Variants in RBPJ observed in about 807,000 individuals in gnomAD.
RBPJ encodes recombining binding protein suppressor of hairless.
Under a neutral mutation model 67.8 loss-of-function variants are expected in RBPJ, and 9 were observed. The observed-to-expected ratio is 0.13, with a 90% confidence interval of 0.08 to 0.23. The LOEUF is 0.23. Among genes scored for constraint, RBPJ ranks in the 10% least tolerant of loss-of-function variants. The pLI is 1.00. For synonymous variants in RBPJ, 198 were observed against 203.3 expected, an observed-to-expected ratio of 0.97 and a Z score of 0.22; for missense variants, 305 against 595.6, an observed-to-expected ratio of 0.51 and a Z score of 5.08.
chr4:26,351,569 G>C (rs1367044763), intron 1 of RBPJ, among the ~76,000 whole-genome samples: 2 of 152,064 alleles, frequency 1.3e-5, no homozygotes, highest in Non-Finnish European at 2.9e-5. Context: ...TTTGTAGAGA[G>C]AGGGTCTCAC....
At chr4:26,140,237 G>A in the RBPJ span, among the ~76,000 whole-genome samples, 1 of 152,188 alleles carries the variant, frequency 6.6e-6, no homozygotes, top group South Asian at 2.1e-4. Flanking sequence ...GAGGACACAG[G>A]GGCCTCCTTA....
intron 1 of RBPJ, among the ~76,000 whole-genome samples, chr4:26,298,449 T>G (rs1396116946): frequency 2.6e-5 from 4 of 152,200 alleles, no homozygotes; most frequent in African/African-American, 9.7e-5. Flanking sequence ...TGTGTTTTTT[T>G]GAAGAGGAGA....
chr4:26,423,165 A>G (rs1428813799), intron 5 of RBPJ, among the ~76,000 whole-genome samples: 1 of 152,194 alleles, frequency 6.6e-6, no homozygotes, highest in African/African-American at 2.4e-5. Flanking sequence ...ATTCAGTACT[A>G]TTGCAATAGG....
intron 1 of RBPJ, among the ~76,000 whole-genome samples, chr4:26,169,667 G>A (rs887802567): frequency 6.6e-5 from 10 of 152,240 alleles, no homozygotes; most frequent in African/African-American, 2.4e-4. Flanking sequence ...TCTGTGCCCT[G>A]CCCCCAGAGG....
intron 1 of RBPJ, among the ~76,000 whole-genome samples, chr4:26,356,682 T>C (rs1727414630): frequency 6.6e-6 from 1 of 152,228 alleles, no homozygotes; most frequent in Non-Finnish European, 1.5e-5. Context: ...ATCCATAATA[T>C]AGTTGTAACA....
At chr4:26,419,731 T>G (rs1347578625) in intron 4 of RBPJ, among the ~76,000 whole-genome samples, 2 of 152,184 alleles carry the variant, frequency 1.3e-5, no homozygotes, top group Non-Finnish European at 2.9e-5. Context: ...TTCACAGGGA[T>G]CAAGAGAATA....
intron 1 of RBPJ, among the ~76,000 whole-genome samples, chr4:26,345,887 T>C (rs772233641): frequency 6.6e-6 from 1 of 152,208 alleles, no homozygotes; most frequent in Non-Finnish European, 1.5e-5. Context: ...GAGAATACAG[T>C]GATGCTGGGG....
chr4:26,283,686 G>A (rs1457475589), intron 1 of RBPJ, among the ~76,000 whole-genome samples: 3 of 141,414 alleles, frequency 2.1e-5, no homozygotes, highest in Non-Finnish European at 4.5e-5. Context: ...TTGCTCTGTC[G>A]CACAGGCTGG....
At chr4:26,198,869 A>G (rs568457969) in intron 1 of RBPJ, among the ~76,000 whole-genome samples, 223 of 152,378 alleles carry the variant, frequency 1.5e-3, no homozygotes, top group Admixed American at 3.7e-3. Context: ...CACAGCTTGC[A>G]GGATCATAAC....
rs553397875 is a variant in RBPJ at position 26,340,540 on chromosome 4, T to TAG, written c.20+19496_20+19497dup. Among the ~76,000 whole-genome samples the TAG allele has an allele frequency of 1.1e-4, 16 of 151,876 alleles. No individual in the cohort carries two copies. In the South Asian group the frequency reaches 2.9e-3, roughly 28 times the overall value. On this transcript the variant is annotated intron_variant, in intron 1 of 10. Coordinates refer to ENST00000355476, the MANE Select transcript of RBPJ (RefSeq NM_015874.6). ...AAGAGGATTCTGCAACAATTCAAGG[T>TAG]AGAGATGATGCTGATAGTAAGAAAT...
At position 26,420,664 on chromosome 4, in the gene RBPJ, C is replaced by T. The variant is rs1338784358; in HGVS notation, c.435C>T (p.Ser145=). ...GTGATGACATTGGTGTGTTCCTCAG[C>T]AAGCGGATAAAAGTCATCTCCAAAC... ...GNSDDIGVFL[S]KRIKVISKPS... Residue 145 remains serine (S), a synonymous_variant, in exon 5 of 11, where the codon AGC becomes AGT. Coordinates refer to ENST00000355476, the MANE Select transcript of RBPJ (RefSeq NM_015874.6). 6.8e-6 allele frequency: 11 copies of T among 1,613,956 alleles called. No homozygotes were observed. In the East Asian group the frequency reaches 2.0e-4, roughly 29 times the overall value.
At chr4:26,319,313 C>T (rs1451919997), upstream of RBPJ, among the ~76,000 whole-genome samples, 1 of 152,248 alleles carries the variant, frequency 6.6e-6, no homozygotes, top group Non-Finnish European at 1.5e-5. Flanking sequence ...CTTCCCCTTC[C>T]TCCGTTCGAG....
chr4:26,396,434 G>T (rs1362123109), intron 2 of RBPJ, among the ~76,000 whole-genome samples: 1 of 152,220 alleles, frequency 6.6e-6, no homozygotes, highest in African/African-American at 2.4e-5. Flanking sequence ...CATCAACCAG[G>T]ATTAGAAATA....
chr4:26,215,388 AGAG>A (rs1487876581), intron 1 of RBPJ, among the ~76,000 whole-genome samples: 2 of 40,912 alleles, frequency 4.9e-5, no homozygotes, highest in Admixed American at 3.5e-4. Context: ...GGAGGGAGGG[AGAG>A]AGGAAGGAAG....
intron 1 of RBPJ, among the ~76,000 whole-genome samples, chr4:26,375,511 C>G (rs970552221): frequency 9.9e-5 from 15 of 152,092 alleles, no homozygotes; most frequent in African/African-American, 2.9e-4. Context: ...GAAAAGGAAC[C>G]AGAATCTAGG....
chr4:26,215,082 A>AG (rs1718637672), intron 1 of RBPJ, among the ~76,000 whole-genome samples: 1 of 51,298 alleles, frequency 1.9e-5, no homozygotes, highest in Non-Finnish European at 3.5e-5. Context: ...AAAAGAGAGA[A>AG]AAAAGACAGA....
intron 1 of RBPJ, among the ~76,000 whole-genome samples, chr4:26,286,269 A>G (rs369919068): frequency 1.8e-4 from 27 of 152,186 alleles, no homozygotes; most frequent in African/African-American, 6.0e-4. Context: ...GCTTGAGCCC[A>G]GGAGTTTGAG....
chr4:26,376,357 CAT>C (rs1729726784), intron 1 of RBPJ, among the ~76,000 whole-genome samples: 1 of 152,218 alleles, frequency 6.6e-6, no homozygotes, highest in Non-Finnish European at 1.5e-5. Context: ...TCTAGGACCT[CAT>C]ATAAGTGGAA....
chr4:26,416,506 G>C (rs1428606950), intron 4 of RBPJ, among the ~76,000 whole-genome samples: 2 of 152,054 alleles, frequency 1.3e-5, no homozygotes, highest in African/African-American at 4.8e-5. Context: ...CTGGGATTAC[G>C]GGTGTGTGCC....
Sources: allele counts gnomAD v4.1 joint callset (sites outside exome capture counted in the v4.1 genomes callset), GRCh38; gene constraint gnomAD v4.1.1; transcripts MANE v1.5; gene names NCBI Gene and HGNC (gene_info 2026-07-23, HGNC 2026-07-21).